The following SLX4IP variants were observed in gnomAD, a reference collection of about 807,000 sequenced individuals.
SLX4IP encodes the protein protein SLX4IP.
Under a neutral mutation model 32.9 loss-of-function variants are expected in SLX4IP, and 34 were observed. The ratio of observed to expected loss-of-function variants is 1.03; its 90% CI spans 0.79 to 1.38. The LOEUF is 1.38. Ranked by LOEUF, SLX4IP falls within the 40% of genes most tolerant of loss-of-function variation. SLX4IP has a pLI of 0.00. For synonymous variants in SLX4IP, 172 were observed against 171.7 expected (o/e 1.00, Z -0.01); for missense variants, 444 against 479.0 (o/e 0.93, Z 0.68).
intron 2 of SLX4IP, among the ~76,000 whole-genome samples, chr20:10,529,871 A>C (rs930198682): frequency 3.3e-5 from 5 of 152,106 alleles, no homozygotes; most frequent in Non-Finnish European, 7.4e-5. Context: ...CTCAGTTTGG[A>C]AATAGTTTCA....
intron 4 of SLX4IP, among the ~76,000 whole-genome samples, chr20:10,585,835 C>T (rs2066639759): frequency 6.6e-6 from 1 of 152,128 alleles, no homozygotes; most frequent in African/African-American, 2.4e-5. Flanking sequence ...AGGTGATCCA[C>T]CTGCCTCGGC....
chr20:10,512,792 A>T (rs1200331817), intron 2 of SLX4IP, among the ~76,000 whole-genome samples: 109 of 15,222 alleles, frequency 7.2e-3, no homozygotes, highest in Non-Finnish European at 0.015. Flanking sequence ...ATATATATAT[A>T]TATATATATA....
chr20:10,437,931 C>A (rs893202931), intron 1 of SLX4IP, among the ~76,000 whole-genome samples: 4 of 152,200 alleles, frequency 2.6e-5, no homozygotes, highest in Non-Finnish European at 5.9e-5. Context: ...TAACTTATCC[C>A]TTCACTACCT....
intron 2 of SLX4IP, among the ~76,000 whole-genome samples, chr20:10,507,662 G>A (rs988234681): frequency 2.6e-5 from 4 of 152,218 alleles, no homozygotes; most frequent in Admixed American, 2.6e-4. Flanking sequence ...TGCAGGGATA[G>A]ACACATGGAT....
At chr20:10,539,040 A>G (rs1429381589) in intron 2 of SLX4IP, among the ~76,000 whole-genome samples, 1 of 152,240 alleles carries the variant, frequency 6.6e-6, no homozygotes, top group African/African-American at 2.4e-5. Flanking sequence ...CTCACCAAAT[A>G]AAAATACTCA....
intron 4 of SLX4IP, among the ~76,000 whole-genome samples, chr20:10,572,187 T>G (rs921784735): frequency 5.9e-5 from 9 of 152,200 alleles, no homozygotes; most frequent in African/African-American, 2.2e-4. Context: ...AGAGCCAGAT[T>G]TGTGGTTCAA....
chr20:10,594,372 T>C (rs974240884), intron 4 of SLX4IP, among the ~76,000 whole-genome samples: 14 of 152,136 alleles, frequency 9.2e-5, no homozygotes, highest in African/African-American at 3.4e-4. Context: ...GGAATTCACC[T>C]GCCCGGAGGT....
chr20:10,491,532 A>G (rs766628006), intron 2 of SLX4IP, among the ~76,000 whole-genome samples: 3 of 152,134 alleles, frequency 2.0e-5, no homozygotes, highest in Non-Finnish European at 4.4e-5. Context: ...AAGTTCCAGA[A>G]CCTAACCATC....
At chr20:10,501,458 CTGTT>C (rs1172890831) in intron 2 of SLX4IP, among the ~76,000 whole-genome samples, 1 of 152,230 alleles carries the variant, frequency 6.6e-6, no homozygotes, top group Non-Finnish European at 1.5e-5. Context: ...TGCAAGTTGA[CTGTT>C]TGCAGTTGCC....
chr20:10,575,719 A>G (rs1434799654), intron 4 of SLX4IP, among the ~76,000 whole-genome samples: 1 of 151,958 alleles, frequency 6.6e-6, no homozygotes, highest in Non-Finnish European at 1.5e-5. Context: ...TCTAGGAAGT[A>G]CTTGTAGCAT....
intron 2 of SLX4IP, among the ~76,000 whole-genome samples, chr20:10,491,668 A>G (rs2065625378): frequency 6.6e-6 from 1 of 152,204 alleles, no homozygotes. Context: ...GTGTTATGTA[A>G]TAATTTGATA....
At chr20:10,530,107 A>G (rs1042700490) in intron 2 of SLX4IP, among the ~76,000 whole-genome samples, 2 of 152,194 alleles carry the variant, frequency 1.3e-5, no homozygotes, top group Non-Finnish European at 1.5e-5. Context: ...CCTACTGTTT[A>G]AGGGAATTTA....
At chr20:10,438,748 G>C (rs1411109672) in intron 1 of SLX4IP, among the ~76,000 whole-genome samples, 1 of 152,030 alleles carries the variant, frequency 6.6e-6, no homozygotes, top group East Asian at 1.9e-4. Flanking sequence ...GGGATTACAG[G>C]AGTGAGCCAC....
At chr20:10,516,245 A>T (rs1385253718) in intron 2 of SLX4IP, among the ~76,000 whole-genome samples, 1 of 152,168 alleles carries the variant, frequency 6.6e-6, no homozygotes, top group Non-Finnish European at 1.5e-5. Flanking sequence ...CTTCCTAGGC[A>T]TGGGTAGGTA....
chr20:10,513,842 G>A (rs1263376518), intron 2 of SLX4IP, among the ~76,000 whole-genome samples: 1 of 152,182 alleles, frequency 6.6e-6, no homozygotes, highest in Middle Eastern at 3.2e-3. Flanking sequence ...GGCTTCTAGC[G>A]AGGACAGTGG....
At chr20:10,534,594 C>T (rs2066021595) in intron 2 of SLX4IP, among the ~76,000 whole-genome samples, 1 of 152,170 alleles carries the variant, frequency 6.6e-6, no homozygotes, top group Non-Finnish European at 1.5e-5. Context: ...GAGCTCCTTC[C>T]AGCAGAGCCA....
At chr20:10,590,893 A>C (rs2066701707) in intron 4 of SLX4IP, among the ~76,000 whole-genome samples, 1 of 152,234 alleles carries the variant, frequency 6.6e-6, no homozygotes, top group Non-Finnish European at 1.5e-5. Context: ...TAGAGATTGC[A>C]AACTGACAAT....
At chr20:10,440,281 C>A (rs1022767576) in intron 1 of SLX4IP, among the ~76,000 whole-genome samples, 1 of 151,836 alleles carries the variant, frequency 6.6e-6, no homozygotes, top group Non-Finnish European at 1.5e-5. Context: ...ATGGTGAAAC[C>A]CTGTCTCTAC....
At chr20:10,448,468 T>A (rs976950469) in intron 1 of SLX4IP, among the ~76,000 whole-genome samples, 1 of 152,198 alleles carries the variant, frequency 6.6e-6, no homozygotes, top group African/African-American at 2.4e-5. Context: ...GAAACCCTAA[T>A]CCTGAAGTAG....
Sources: allele counts gnomAD v4.1 joint callset (sites outside exome capture counted in the v4.1 genomes callset), GRCh38; gene constraint gnomAD v4.1.1; transcripts MANE v1.5; gene names NCBI Gene and HGNC (gene_info 2026-07-23, HGNC 2026-07-21).